KANK1: variants seen among roughly 807,000 people sequenced by gnomAD.
The protein encoded by KANK1 is KN motif and ankyrin repeat domain-containing protein 1.
In KANK1, 109 loss-of-function variants were observed where a neutral mutation model predicts 106.2. The observed-to-expected ratio is 1.03, with a 90% CI of 0.88 to 1.20. The LOEUF (loss-of-function observed/expected upper bound fraction) is 1.20. KANK1 is among the 50% of genes most tolerant of loss of function. KANK1 has a pLI of 0.00. For missense variants in KANK1, 2,399 were observed against 1,710.7 expected (o/e 1.40, Z -7.10); for synonymous variants, 873 against 652.2 (o/e 1.34, Z -5.16).
At chr9:679,114 T>C in intron 2 of KANK1, among the ~76,000 whole-genome samples, 1 of 152,162 alleles carries the variant, frequency 6.6e-6, no homozygotes, top group East Asian at 1.9e-4. Flanking sequence ...GGCATTGAGG[T>C]TGAAGGCAAA....
At position 506,053 on chromosome 9, in the gene KANK1, G is replaced by A. The variant is rs142199151; in HGVS notation, c.-84+1299G>A. Among the ~76,000 whole-genome samples, 509 of 152,190 alleles carry A rather than the reference G, an allele frequency of 3.3e-3. 3 individuals carry two copies. The highest frequency in any genetic ancestry group is 4.3e-3 in the Non-Finnish European group (295 of 68,024). On this transcript the variant is annotated intron_variant, in intron 1 of 11. Transcript: ENST00000382297. The stretch of plus-strand genomic sequence containing the variant: ...AAACATATAAATTTACTCTTCTAAG[G>A]TCAAAATTCAGTGGTTTTTAATATA...
At chr9:646,980 G>T (rs542322048) in intron 1 of KANK1, among the ~76,000 whole-genome samples, 1 of 150,924 alleles carries the variant, frequency 6.6e-6, no homozygotes, top group Non-Finnish European at 1.5e-5. Context: ...TTACCGGCGT[G>T]AGCTACTATG....
rs1221268731 is a variant in KANK1 at position 712,108 on chromosome 9, A to G, written c.1342A>G (p.Met448Val). Residue 448 changes from methionine (M) to valine (V), a missense_variant, in exon 3 of 12, where the codon ATG (methionine) becomes GTG (valine). Physicochemically the swap from Met to Val is conservative, Grantham distance 21. Transcript: ENST00000382297. ...CGTGACAGAGGCCATGCTTGGAGTGATGACTGAAGCTGACAAAGAAATTGA... is the reference window on the plus strand; with the variant it reads ...CGTGACAGAGGCCATGCTTGGAGTGGTGACTGAAGCTGACAAAGAAATTGA... ...VSVTEAMLGV[M>V]TEADKEIELQ... 1 of 1,614,196 alleles carries G rather than the reference A, an allele frequency of 6.2e-7. No individual in the cohort carries two copies. The highest frequency in any genetic ancestry group is 1.7e-5 in the Admixed American group (1 of 60,026).
chr9:495,826 T>C (rs1564123258), intron 3 of KANK1, among the ~76,000 whole-genome samples: 1 of 152,148 alleles, frequency 6.6e-6, no homozygotes, highest in Admixed American at 6.5e-5. Context: ...AAATGACAGC[T>C]CAGTTGTTTG....
chr9:654,721 T>C (rs141888628), intron 1 of KANK1, among the ~76,000 whole-genome samples: 22 of 152,256 alleles, frequency 1.4e-4, no homozygotes, highest in Middle Eastern at 3.4e-3. Context: ...TTGAAAGAGA[T>C]ACCAGAATAC....
intron 2 of KANK1, among the ~76,000 whole-genome samples, chr9:706,125 T>G (rs558353545): frequency 6.6e-6 from 1 of 152,286 alleles, no homozygotes; most frequent in South Asian, 2.1e-4. Flanking sequence ...GGACAATTGT[T>G]TGTGAAAATG....
intron 1 of KANK1, among the ~76,000 whole-genome samples, chr9:633,097 TC>T (rs1381433224): frequency 3.9e-5 from 6 of 152,166 alleles, no homozygotes; most frequent in Non-Finnish European, 7.3e-5. Flanking sequence ...CGTGACTTTT[TC>T]TACACTCACT....
intron 1 of KANK1, among the ~76,000 whole-genome samples, chr9:645,078 C>G (rs1839347487): frequency 7.3e-6 from 1 of 137,524 alleles, no homozygotes. Flanking sequence ...GAGCGGAGAT[C>G]ACACCACTGC....
intron 1 of KANK1, among the ~76,000 whole-genome samples, chr9:528,890 C>T (rs2059929374): frequency 6.6e-6 from 1 of 151,992 alleles, no homozygotes; most frequent in South Asian, 2.1e-4. Flanking sequence ...GCCTTGACCT[C>T]CTGGGCTTAA....
chr9:602,363 G>A (rs763709585), intron 1 of KANK1, among the ~76,000 whole-genome samples: 16 of 151,726 alleles, frequency 1.1e-4, no homozygotes, highest in Non-Finnish European at 1.8e-4. Flanking sequence ...GGGTTCAAGC[G>A]ACTCTCCTGC....
chr9:673,951 G>T (rs1319961594), intron 1 of KANK1: 1 of 152,054 alleles, frequency 6.6e-6, no homozygotes, highest in Non-Finnish European at 1.5e-5. Flanking sequence ...TCCAGAAACT[G>T]GGCTTCTTTC....
chr9:634,700 C>A (rs1380990827), intron 1 of KANK1, among the ~76,000 whole-genome samples: 1 of 152,182 alleles, frequency 6.6e-6, no homozygotes, highest in African/African-American at 2.4e-5. Flanking sequence ...AACTAAATTT[C>A]TCCCGTGGTT....
rs1563847339 is a variant in KANK1 at position 606,169 on chromosome 9, AC to A, written c.-83-70720del. ...CACACACACACACACACACACACAC[AC>A]ACACACACACACCACTCACACATAT... On this transcript the variant is annotated intron_variant, in intron 1 of 11. Coordinates refer to ENST00000382297, the MANE Select transcript of KANK1 (RefSeq NM_015158.5). Among the ~76,000 whole-genome samples the A allele has an allele frequency of 4.0e-4, 60 of 151,158 alleles. 1 individual carries two copies. The highest frequency in any genetic ancestry group is 1.4e-3 in the African/African-American group (59 of 40,766).
intron 2 of KANK1, among the ~76,000 whole-genome samples, chr9:689,703 G>C (rs1042728848): frequency 1.3e-5 from 2 of 152,120 alleles, no homozygotes; most frequent in African/African-American, 4.8e-5. Context: ...TCACAGTGTA[G>C]GTCTCACACC....
intron 1 of KANK1, among the ~76,000 whole-genome samples, chr9:570,071 ATTGGGTT>A (rs1388543058): frequency 1.3e-5 from 2 of 151,798 alleles, no homozygotes; most frequent in Non-Finnish European, 2.9e-5. Context: ...TTCTCCTTGT[ATTGGGTT>A]TTTTGTTTGT....
At chr9:591,702 GC>G (rs1342288609) in intron 1 of KANK1, among the ~76,000 whole-genome samples, 1 of 151,778 alleles carries the variant, frequency 6.6e-6, no homozygotes, top group Non-Finnish European at 1.5e-5. Flanking sequence ...TCTCGCCTAG[GC>G]TGGAGTTCTG....
intron 1 of KANK1, among the ~76,000 whole-genome samples, chr9:533,327 T>A (rs2060149524): frequency 6.6e-6 from 1 of 152,170 alleles, no homozygotes; most frequent in African/African-American, 2.4e-5. Flanking sequence ...GATTTGCCAG[T>A]TTGTGACTTT....
At chr9:728,168 C>T (rs550436705) in intron 3 of KANK1, among the ~76,000 whole-genome samples, 10 of 152,208 alleles carry the variant, frequency 6.6e-5, no homozygotes, top group East Asian at 1.9e-4. Context: ...TATATTTCTT[C>T]GATGTATTTT....
chr9:619,488 T>C (rs1832636838), intron 1 of KANK1, among the ~76,000 whole-genome samples: 1 of 152,148 alleles, frequency 6.6e-6, no homozygotes, highest in Admixed American at 6.5e-5. Flanking sequence ...CATGGGAGTA[T>C]TAACGCAAAG....
Sources: gnomAD v4.1 joint callset for allele counts (sites outside exome capture counted in the v4.1 genomes callset) on GRCh38, gnomAD v4.1.1 for gene constraint, MANE v1.5 for transcripts, NCBI Gene and HGNC (gene_info 2026-07-23, HGNC 2026-07-21) for gene names.